Variants in CSMD1 observed in about 807,000 individuals in gnomAD.
The protein encoded by CSMD1 is CUB and sushi domain-containing protein 1.
A neutral mutation model predicts 417.5 loss-of-function variants in CSMD1; 213 were observed. The ratio of observed to expected loss-of-function variants is 0.51; its 90% CI spans 0.46 to 0.57. The LOEUF (loss-of-function observed/expected upper bound fraction) is 0.57, where lower values mean the gene tolerates loss of function less well. CSMD1 is among the 20% of genes least tolerant of loss of function. The pLI is 0.00. For missense variants in CSMD1, 6,923 were observed against 4,529.7 expected, an observed-to-expected ratio of 1.53 and a Z score of -15.17; for synonymous variants, 2,862 against 1,736.8, an observed-to-expected ratio of 1.65 and a Z score of -16.11.
intron 5 of CSMD1, among the ~76,000 whole-genome samples, chr8:3,870,148 T>G (rs1327418048): frequency 6.6e-6 from 1 of 152,162 alleles, no homozygotes; most frequent in East Asian, 1.9e-4. Context: ...TTACACATTA[T>G]TTTACAATTT....
At chr8:4,360,371 C>T (rs10104910) in intron 3 of CSMD1, among the ~76,000 whole-genome samples, 20,459 of 152,146 alleles carry the variant, frequency 0.13, 2,542 homozygotes, top group African/African-American at 0.33. Flanking sequence ...CCTCTTTACC[C>T]TAATTGTAAG....
intron 5 of CSMD1, among the ~76,000 whole-genome samples, chr8:3,911,755 A>C (rs548474518): frequency 7.2e-5 from 11 of 152,210 alleles, no homozygotes; most frequent in African/African-American, 2.6e-4. Flanking sequence ...TTCCATCAGA[A>C]ATCTCTCATC....
chr8:2,946,850 T>A (rs773346892), intron 68 of CSMD1, among the ~76,000 whole-genome samples: 1 of 152,204 alleles, frequency 6.6e-6, no homozygotes, highest in Non-Finnish European at 1.5e-5. Flanking sequence ...CCCAGCAAAG[T>A]AGGACAGTTC....
rs370843406 is a variant in CSMD1 at position 4,633,118 on chromosome 8, G to A, written c.302+4224C>T. ...CGAGAGGGGAGCCTGGGGCAGGAAA[G>A]GATCGTGCATTGGTCTATGTGAACG... On this transcript the variant is annotated intron_variant, in intron 2 of 69. Transcript: ENST00000635120. Among the ~76,000 whole-genome samples, 7 of 152,332 alleles carry A rather than the reference G, an allele frequency of 4.6e-5. No individual in the cohort carries two copies. In the South Asian group the frequency reaches 6.2e-4, roughly 14 times the overall value.
At position 2,965,661 on chromosome 8, in the gene CSMD1, C is replaced by T. The variant is rs112176701; in HGVS notation, c.9280+114G>A. ...GACTTAATAGTTGCAAATTGCTGTT[C>T]AAGAATTCCTAGCCCCTAGAAGGGC... On this transcript the variant is annotated intron_variant, in intron 59 of 69. Coordinates refer to ENST00000635120, the MANE Select transcript of CSMD1 (RefSeq NM_033225.6). 475 of 823,936 alleles carry T rather than the reference C, an allele frequency of 5.8e-4. 2 individuals are homozygous for T. The African/African-American group carries it at 7.3e-3, about 13-fold the overall frequency. 51.0% of individuals were successfully genotyped at this position (823,936 alleles called of 1,614,324 possible).
chr8:3,540,039 T>C (rs757536775), intron 10 of CSMD1, among the ~76,000 whole-genome samples: 10 of 152,224 alleles, frequency 6.6e-5, no homozygotes, highest in Admixed American at 1.3e-4. Context: ...TGTCTGCTGC[T>C]GTGTGCACCA....
intron 5 of CSMD1, among the ~76,000 whole-genome samples, chr8:3,770,085 C>G (rs1798488679): frequency 6.6e-6 from 1 of 152,176 alleles, no homozygotes; most frequent in South Asian, 2.1e-4. Flanking sequence ...TTCCAGATTA[C>G]TCCCTTCTTT....
Position 3,284,282 on chromosome 8 carries a change from C to G in CSMD1, c.4015G>C (p.Val1339Leu). Residue 1339 changes from valine (V) to leucine (L), a missense_variant, in exon 26 of 70, where the codon GTG becomes CTG. Physicochemically the swap from Val to Leu is conservative, Grantham distance 32. Transcript: ENST00000635120. ...TCCTTCAGCAGGATGTCACTGTCCACCGGCCCGTCCCAGACCTTGAGGATG... is the reference window on the plus strand; with the variant it reads ...TCCTTCAGCAGGATGTCACTGTCCAGCGGCCCGTCCCAGACCTTGAGGATG... The part of the protein sequence containing the change: ...HDILKVWDGP[V>L]DSDILLKEWS... 1 of 1,613,970 alleles carries G rather than the reference C, an allele frequency of 6.2e-7. No individual in the cohort carries two copies. Among genetic ancestry groups the G allele is most frequent in the South Asian group, 1.1e-5 (1 of 91,070 alleles).
At chr8:3,245,150 A>C (rs1799794402) in intron 26 of CSMD1, among the ~76,000 whole-genome samples, 3 of 152,192 alleles carry the variant, frequency 2.0e-5, no homozygotes, top group Admixed American at 6.6e-5. Flanking sequence ...GTTTGTATTT[A>C]CTATTTTGCC....
intron 3 of CSMD1, among the ~76,000 whole-genome samples, chr8:4,107,778 C>T (rs1801643340): frequency 6.6e-6 from 1 of 152,170 alleles, no homozygotes; most frequent in Non-Finnish European, 1.5e-5. Flanking sequence ...GAGGCTGTCA[C>T]CACCTGCTGT....
intron 7 of CSMD1, among the ~76,000 whole-genome samples, chr8:3,703,322 C>A (rs1481706): frequency 0.028 from 4,327 of 152,230 alleles, 164 homozygotes; most frequent in African/African-American, 0.091. Flanking sequence ...TGTAAAGAAG[C>A]TGATGAACGT....
chr8:4,021,624 T>C (rs1001285663), intron 4 of CSMD1, among the ~76,000 whole-genome samples: 2 of 152,170 alleles, frequency 1.3e-5, no homozygotes, highest in Non-Finnish European at 2.9e-5. Flanking sequence ...CACATGTAGC[T>C]GCTCTTTTTA....
At chr8:3,543,374 G>C (rs1798524629) in intron 10 of CSMD1, among the ~76,000 whole-genome samples, 1 of 152,180 alleles carries the variant, frequency 6.6e-6, no homozygotes, top group South Asian at 2.1e-4. Flanking sequence ...ACTGACTTTT[G>C]AAAATAATCA....
At chr8:4,119,174 G>A (rs1472909367) in intron 3 of CSMD1, among the ~76,000 whole-genome samples, 2 of 152,042 alleles carry the variant, frequency 1.3e-5, no homozygotes, top group East Asian at 3.9e-4. Context: ...GGTTTGATAG[G>A]TGCAGCAAAC....
chr8:4,783,695 G>A (rs1262391101), intron 1 of CSMD1, among the ~76,000 whole-genome samples: 1 of 152,130 alleles, frequency 6.6e-6, no homozygotes, highest in Non-Finnish European at 1.5e-5. Context: ...ACTCAGAAGG[G>A]TGTCAATTAT....
chr8:3,173,216 T>C (rs1021671518), intron 37 of CSMD1, among the ~76,000 whole-genome samples: 3 of 152,324 alleles, frequency 2.0e-5, no homozygotes, highest in South Asian at 2.1e-4. Flanking sequence ...AATTTTAATC[T>C]GTTATTAGTT....
At chr8:3,900,725 A>G (rs1807691298) in intron 5 of CSMD1, among the ~76,000 whole-genome samples, 2 of 152,006 alleles carry the variant, frequency 1.3e-5, no homozygotes, top group South Asian at 2.1e-4. Flanking sequence ...TAGCTGGGTG[A>G]CACTATAGCT....
intron 7 of CSMD1, among the ~76,000 whole-genome samples, chr8:3,664,264 A>G (rs1325157419): frequency 6.6e-6 from 1 of 151,984 alleles, no homozygotes; most frequent in African/African-American, 2.4e-5. Flanking sequence ...ATTCCCACCT[A>G]TGAGAGAGAA....
rs1001929513 is a variant in CSMD1, at chr8:4,418,792, C to T, written c.415+1161G>A. ...CTGCTTTCCAAAGATTAACTTATTC[C>T]TTGATAGTAACGTACTTAAAGGTGA... On this transcript the variant is annotated intron_variant, in intron 3 of 69. Coordinates refer to ENST00000635120, the MANE Select transcript of CSMD1 (RefSeq NM_033225.6). Among the ~76,000 whole-genome samples the T allele has an allele frequency of 3.9e-5, 6 of 152,240 alleles. No homozygotes were observed. The South Asian group carries it at 1.2e-3, about 32-fold the overall frequency.
Sources: gnomAD v4.1 joint callset for allele counts (sites outside exome capture counted in the v4.1 genomes callset) on GRCh38, gnomAD v4.1.1 for gene constraint, MANE v1.5 for transcripts, NCBI Gene and HGNC (gene_info 2026-07-23, HGNC 2026-07-21) for gene names.